Variants in BTBD17 observed in about 807,000 individuals in gnomAD.
The protein encoded by BTBD17 is BTB/POZ domain-containing protein 17.
In BTBD17, 26 loss-of-function variants were observed where a neutral mutation model predicts 36.9. The observed-to-expected ratio is 0.70, with a 90% CI of 0.52 to 0.98. The LOEUF is 0.98. Ranked by LOEUF, BTBD17 falls within the 50% of genes least tolerant of loss-of-function variation. The pLI is 0.00. For missense variants in BTBD17, 630 were observed against 691.3 expected, an observed-to-expected ratio of 0.91 and a Z score of 0.99; for synonymous variants, 341 against 338.0, an observed-to-expected ratio of 1.01 and a Z score of -0.10.
Position 74,356,912 on chromosome 17 carries a change from C to A in BTBD17, c.1182G>T (p.Val394=). 7.0e-7 allele frequency: 1 copy of A among 1,434,170 alleles called. No homozygotes were observed. The highest frequency in any genetic ancestry group is 9.1e-7 in the Non-Finnish European group (1 of 1,104,636). The allele number at this position is 1,434,170 out of a possible 1,614,324, so 88.8% of individuals were successfully genotyped here. A position where few individuals can be genotyped will look rare whatever the true frequency, so the allele number is the denominator to read the frequency against. ...ARPEDGRPRL[V]VTPASSGGDA... is the part of the protein sequence containing the mutation. ...CGCCGCCGCTGCTGGCCGGCGTCAC[C>A]ACCAGCCGCGGTCGGCCGTCCTCCG... is the stretch of plus-strand genomic sequence containing the variant. Residue 394 remains valine, a synonymous_variant, in exon 3 of 3, where the codon GTG becomes GTT. Coordinates refer to ENST00000375366, the MANE Select transcript of BTBD17 (RefSeq NM_001080466.2). This position sits in a 1 kb window ranked among gnomAD's most constrained non-coding sequence, Gnocchi z 4.3.
In BTBD17 at chr17:74,360,136, C is replaced by A. The variant is rs748700228; in HGVS notation, c.195G>T (p.Val65=). The change falls in exon 2 of 3, where the codon GTG becomes GTT. Residue 65 remains valine, a synonymous_variant. Coordinates refer to ENST00000375366, the MANE Select transcript of BTBD17 (RefSeq NM_001080466.2). Reference sequence around the variant, plus strand: ...TGCCCGCAGCCTGCACCCGCAGAACCACATCGCTGGCGTTGCCCTGCCGCA... The same window carrying A: ...TGCCCGCAGCCTGCACCCGCAGAACAACATCGCTGGCGTTGCCCTGCCGCA... ...ELLRQGNASD[V]VLRVQAAGTD... 4.3e-6 allele frequency: 7 copies of A among 1,613,016 alleles called. No homozygotes were observed. The highest frequency in any genetic ancestry group is 2.5e-6 in the Non-Finnish European group (3 of 1,179,950).
chr17:74,357,005 G>A lies in BTBD17; in HGVS notation c.1089C>T (p.Arg363=). The change falls in exon 3 of 3, where the codon CGC becomes CGT. Residue 363 remains arginine (R), a synonymous_variant. Coordinates refer to ENST00000375366, the MANE Select transcript of BTBD17 (RefSeq NM_001080466.2). The surrounding 1 kb of genome is among the most constrained non-coding windows in gnomAD (Gnocchi z 8.4). ...CGGGCCGCAGGCTGACGGGCAGCCA[G>A]CGCGGCGAGAAGAGCACGTTCCAGG... The part of the protein sequence containing the change: ...RVTWNVLFSP[R]WLPVSLRPVY... The A allele has an allele frequency of 6.7e-7, 1 of 1,497,760 alleles. No homozygotes were observed. Among genetic ancestry groups the A allele is most frequent in the Non-Finnish European group, 8.8e-7 (1 of 1,134,446 alleles). 92.8% of individuals were successfully genotyped at this position (1,497,760 alleles called of 1,614,324 possible).
chr17:74,361,932 G>A, upstream of BTBD17: 1 of 824,496 alleles, frequency 1.2e-6, no homozygotes, highest in South Asian at 1.8e-5. Context: ...CCCCCTTCCT[G>A]CTTGGCCTCC....
chr17:74,363,249 C>T (rs1246800504), upstream of BTBD17, among the ~76,000 whole-genome samples: 2 of 152,238 alleles, frequency 1.3e-5, no homozygotes, highest in Non-Finnish European at 2.9e-5. Flanking sequence ...TCTCTGGAGC[C>T]GCAGAGAGAG....
chr17:74,358,189 A>C (rs930704082), intron 2 of BTBD17, among the ~76,000 whole-genome samples: 3 of 152,190 alleles, frequency 2.0e-5, no homozygotes, highest in South Asian at 4.2e-4. Context: ...GAGGAGAATA[A>C]AGAATCTTGC....
chr17:74,362,965 C>CGTGTGTGTGTGTGTGT (rs112779081), upstream of BTBD17, among the ~76,000 whole-genome samples: 4 of 145,908 alleles, frequency 2.7e-5, no homozygotes, highest in Non-Finnish European at 6.1e-5. Context: ...AGCGCGCGCG[C>CGTGTGTGTGTGTGTGT]ATGTGTGTGT....
At position 74,356,421 on chromosome 17, in the gene BTBD17, C is replaced by T; in HGVS notation, c.*236G>A. 1.7e-6 allele frequency: 1 copy of T among 599,394 alleles called. No individual in the cohort carries two copies. The highest frequency in any genetic ancestry group is 8.0e-5 in the South Asian group (1 of 12,426). 37.1% of individuals were successfully genotyped at this position (599,394 alleles called of 1,614,324 possible). On this transcript the variant is annotated 3_prime_UTR_variant, in exon 3 of 3. Coordinates refer to ENST00000375366, the MANE Select transcript of BTBD17 (RefSeq NM_001080466.2). The surrounding 1 kb of genome is among the most constrained non-coding windows in gnomAD (Gnocchi z 4.3). ...CTGAGTGGTTCAATCATCCCTTTAC[C>T]ACTCTGAGCATCGGTTTATTCAGGA...
rs1159270406 is a variant in BTBD17, at chr17:74,356,796, T to C, written c.1298A>G (p.Gln433Arg). Residue 433 changes from glutamine to arginine, a missense_variant, in exon 3 of 3, where the codon CAG becomes CGG. Transcript: ENST00000375366. This position sits in a 1 kb window ranked among gnomAD's most constrained non-coding sequence, Gnocchi z 4.3. ...LLVRHAYSFH[Q>R]SSEEAGDFLA... is the part of the protein sequence containing the mutation. ...GAAGTCGCCGGCCTCCTCGCTGCTC[T>C]GGTGGAAGCTGTAGGCGTGGCGGAC... 1 of 1,599,592 alleles carries C rather than the reference T, an allele frequency of 6.3e-7. No homozygotes were observed. The highest frequency in any genetic ancestry group is 1.7e-5 in the Admixed American group (1 of 58,282).
Position 74,360,381 on chromosome 17 carries a change from G to T in BTBD17, c.86-136C>A, listed in dbSNP as rs1024694419. 9 of 862,972 alleles carry T rather than the reference G, an allele frequency of 1.0e-5. No homozygotes were observed. The African/African-American group carries it at 1.5e-4, about 15-fold the overall frequency. The allele number at this position is 862,972 out of a possible 1,614,324, so 53.5% of individuals were successfully genotyped here. A position where few individuals can be genotyped will look rare whatever the true frequency, so the allele number is the denominator to read the frequency against. On this transcript the variant is annotated intron_variant, in intron 1 of 2. Transcript: ENST00000375366. ...CAAGGTGGGCCTAGGCGGGTTGTAT[G>T]TGCATACCTGTTTGTGCCCACGAGG... is the stretch of plus-strand genomic sequence containing the variant.
rs1402838140 is a variant in BTBD17, at chr17:74,357,568, C to T, written c.526G>A (p.Ala176Thr). The T allele has an allele frequency of 2.6e-6, 4 of 1,554,114 alleles. No individual in the cohort carries two copies. Among genetic ancestry groups the T allele is most frequent in the Non-Finnish European group, 3.5e-6 (4 of 1,156,926 alleles). Residue 176 changes from alanine to threonine, a missense_variant, in exon 3 of 3, where the codon GCG becomes ACG. Transcript: ENST00000375366. This position sits in a 1 kb window ranked among gnomAD's most constrained non-coding sequence, Gnocchi z 8.4. Reference sequence around the variant, plus strand: ...AGGGCCTCGTCCCCGGTGCCCACCGCGTAGTGGTACCAGCCCACCGCCGGG... The same window carrying T: ...AGGGCCTCGTCCCCGGTGCCCACCGTGTAGTGGTACCAGCCCACCGCCGGG... Reference protein sequence around the residue: ...AGPAVGWYHYAVGTGDEALRE... With the variant: ...AGPAVGWYHYTVGTGDEALRE...
rs761947947 is a variant in BTBD17, at chr17:74,360,024, C to T, written c.307G>A (p.Glu103Lys). The change falls in exon 2 of 3, where the codon GAG becomes AAG. Residue 103 changes from glutamate to lysine, a missense_variant. Coordinates refer to ENST00000375366, the MANE Select transcript of BTBD17 (RefSeq NM_001080466.2). ...TCCTGTGGCTCCTGCAGCACCGCCT[C>T]GCTCTGGTTACTTAGCAGCTCCAGG... Reference protein sequence around the residue: ...LFLELLSNQSEAVLQEPQDCA... With the variant: ...LFLELLSNQSKAVLQEPQDCA... 1.1e-5 allele frequency: 17 copies of T among 1,612,554 alleles called. No individual in the cohort carries two copies. The highest frequency in any genetic ancestry group is 2.2e-5 in the East Asian group (1 of 44,892).
At chr17:74,361,899 G>T, upstream of BTBD17, 2 of 1,196,360 alleles carry the variant, frequency 1.7e-6, no homozygotes, top group Non-Finnish European at 2.4e-6. Context: ...CCTTATATAG[G>T]ATCCGGCACA....
At chr17:74,359,093 C>T (rs546650919) in intron 2 of BTBD17, among the ~76,000 whole-genome samples, 1 of 152,292 alleles carries the variant, frequency 6.6e-6, no homozygotes, top group East Asian at 1.9e-4. Flanking sequence ...GTGTGAATGG[C>T]ACCCCCTGAG....
chr17:74,360,637 C>A (rs549151708), intron 1 of BTBD17, among the ~76,000 whole-genome samples: 8 of 152,208 alleles, frequency 5.3e-5, no homozygotes, highest in Non-Finnish European at 7.3e-5. Flanking sequence ...TCCATCTAAC[C>A]CCTTGGAGCA....
chr17:74,359,619 C>A (rs1017547126), intron 2 of BTBD17, among the ~76,000 whole-genome samples: 2 of 152,160 alleles, frequency 1.3e-5, no homozygotes, highest in South Asian at 4.1e-4. Flanking sequence ...GAACTCCTGA[C>A]CTCAAGTGAT....
intron 2 of BTBD17, among the ~76,000 whole-genome samples, chr17:74,358,297 CT>C (rs1394795661): frequency 6.6e-6 from 1 of 152,028 alleles, no homozygotes; most frequent in Non-Finnish European, 1.5e-5. Flanking sequence ...TCAAGACCAG[CT>C]TGGGCAACAT....
In BTBD17 at chr17:74,357,753, G is replaced by A. The variant is rs746220009; in HGVS notation, c.363-22C>T. ...GTACCTGCGGGAGAGACCGAGAGGT[G>A]GGGCGGGGTCAGGGCGGTACCCACC... On this transcript the variant is annotated intron_variant, in intron 2 of 2. Coordinates refer to ENST00000375366, the MANE Select transcript of BTBD17 (RefSeq NM_001080466.2). This position sits in a 1 kb window ranked among gnomAD's most constrained non-coding sequence, Gnocchi z 8.4. The A allele has an allele frequency of 4.2e-5, 63 of 1,515,496 alleles. No homozygotes were observed. The highest frequency in any genetic ancestry group is 5.4e-5 in the Non-Finnish European group (61 of 1,132,236). The allele number at this position is 1,515,496 out of a possible 1,614,324, so 93.9% of individuals were successfully genotyped here. A position where few individuals can be genotyped will look rare whatever the true frequency, so the allele number is the denominator to read the frequency against.
In BTBD17 at chr17:74,361,739, A is replaced by C. The variant is rs1280336346; in HGVS notation, c.81T>G (p.His27Gln). The change falls in exon 1 of 3, where the codon CAT (histidine) becomes CAG (glutamine). Residue 27 changes from histidine (H) to glutamine (Q), a missense_variant. Physicochemically the swap from His to Gln is conservative, Grantham distance 24. Coordinates refer to ENST00000375366, the MANE Select transcript of BTBD17 (RefSeq NM_001080466.2). The part of the protein sequence containing the change: ...AMLTLVGLVT[H>Q]AAQRADVGGE... ...CCTGGCCCACTGCCCGCTCACCTGCATGGGTGACCAGGCCCACCAAGGTCA... is the reference window on the plus strand; with the variant it reads ...CCTGGCCCACTGCCCGCTCACCTGCCTGGGTGACCAGGCCCACCAAGGTCA... The C allele has an allele frequency of 1.9e-6, 3 of 1,612,812 alleles. No individual in the cohort carries two copies. Among genetic ancestry groups the C allele is most frequent in the Non-Finnish European group, 2.5e-6 (3 of 1,179,342 alleles).
At chr17:74,361,686 A>T in intron 1 of BTBD17, 49 bp downstream of exon 1, 1 of 1,520,130 alleles carries the variant, frequency 6.6e-7, no homozygotes, top group Non-Finnish European at 9.1e-7. Context: ...CAGGGCTGGG[A>T]CGACCTGCCG....
Sources: allele counts gnomAD v4.1 joint callset (sites outside exome capture counted in the v4.1 genomes callset), GRCh38; gene constraint gnomAD v4.1.1; non-coding constraint Gnocchi (gnomAD v3.1); transcripts MANE v1.5; gene names NCBI Gene and HGNC (gene_info 2026-07-23, HGNC 2026-07-21).